The following XYLB variants were observed in gnomAD, a reference collection of about 807,000 sequenced individuals.
XYLB encodes the protein xylulokinase.
Under a neutral mutation model 78.7 loss-of-function variants are expected in XYLB, and 62 were observed. The observed-to-expected ratio is 0.79, with a 90% confidence interval of 0.64 to 0.97. The LOEUF (loss-of-function observed/expected upper bound fraction) is 0.97. Among genes scored for constraint, XYLB ranks in the 50% least tolerant of loss-of-function variants. The probability of loss-of-function intolerance (pLI) is 0.00; values close to 1 mark genes in which losing one functional copy is unlikely to be tolerated. For missense variants in XYLB, 687 were observed against 676.8 expected (o/e 1.02, Z -0.17); for synonymous variants, 245 against 247.4 (o/e 0.99, Z 0.09).
chr3:38,447,951 T>C, the XYLB span, among the ~76,000 whole-genome samples: 1 of 152,124 alleles, frequency 6.6e-6, no homozygotes, highest in Non-Finnish European at 1.5e-5. Flanking sequence ...GCATGGTGGC[T>C]CATGACTGTA....
intron 15 of XYLB, among the ~76,000 whole-genome samples, chr3:38,385,147 C>A (rs7639629): frequency 1.3e-5 from 2 of 151,956 alleles, no homozygotes; most frequent in African/African-American, 4.8e-5. Flanking sequence ...ATTACAGGTG[C>A]GCGCCATACC....
chr3:38,428,036 C>T, the XYLB span, among the ~76,000 whole-genome samples: 2 of 152,108 alleles, frequency 1.3e-5, no homozygotes, highest in African/African-American at 4.8e-5. Flanking sequence ...GTTCTGTTTC[C>T]ATTGTCATTC....
intron 14 of XYLB, 50 bp from the exon 15 acceptor site, chr3:38,379,196 A>G (rs1707019987): frequency 6.3e-7 from 1 of 1,575,832 alleles, no homozygotes; most frequent in Admixed American, 1.7e-5. Context: ...TACACACACG[A>G]ATGGACAATG....
the XYLB span, among the ~76,000 whole-genome samples, chr3:38,426,639 AC>A: frequency 2.6e-4 from 39 of 152,348 alleles, no homozygotes; most frequent in East Asian, 7.1e-3. Flanking sequence ...AAATTGAAAT[AC>A]AAATGAAATT....
At position 38,391,735 on chromosome 3, in the gene XYLB, G is replaced by A. The variant is rs567893697; in HGVS notation, c.1292-3770G>A. Among the ~76,000 whole-genome samples, 5 of 152,272 alleles carry A rather than the reference G, an allele frequency of 3.3e-5. No homozygotes were observed. The East Asian group carries it at 9.7e-4, about 29-fold the overall frequency. ...CTTGTGTATTAATGCCACTATAAAA[G>A]TGCTTTCAGGAGTGAGTTCACCATT... On this transcript the variant is annotated intron_variant, in intron 15 of 18. Transcript: ENST00000207870.
chr3:38,374,451 C>A lies in XYLB; in HGVS notation c.848-11C>A. 6.2e-7 allele frequency: 1 copy of A among 1,614,074 alleles called. No individual in the cohort carries two copies. Among genetic ancestry groups the A allele is most frequent in the East Asian group, 2.2e-5 (1 of 44,834 alleles). ...CCGCCAGCTAACCAGAAGCTCCCCT[C>A]CCATTCTCAGCGTCGCTGGCAGGCA... is the stretch of plus-strand genomic sequence containing the variant. On this transcript the variant is annotated splice_polypyrimidine_tract_variant and intron_variant, in intron 10 of 18. Coordinates refer to ENST00000207870, the MANE Select transcript of XYLB (RefSeq NM_005108.4).
At chr3:38,417,192 T>C (rs1292800484), downstream of XYLB, among the ~76,000 whole-genome samples, 2 of 152,150 alleles carry the variant, frequency 1.3e-5, no homozygotes, top group East Asian at 3.8e-4. Context: ...TCCCAGCACT[T>C]TGGGAGGCTG....
intron 15 of XYLB, 141 bp from the exon 16 acceptor site, chr3:38,395,364 A>G: frequency 1.4e-6 from 1 of 739,422 alleles, no homozygotes. Context: ...CCAGCTTTGG[A>G]TCTCTCCCGT....
the XYLB span, among the ~76,000 whole-genome samples, chr3:38,437,641 A>G: frequency 6.6e-6 from 1 of 152,352 alleles, no homozygotes; most frequent in East Asian, 1.9e-4. Flanking sequence ...TAGCTGAGAA[A>G]TAAATCAAGA....
chr3:38,413,090 C>A lies in XYLB; in HGVS notation c.*77C>A. On this transcript the variant is annotated 3_prime_UTR_variant, in exon 19 of 19. Transcript: ENST00000207870. ...GACATGGCCCCAGACAGGAGGGATCCACTTCTCTGTTCTGAACAGCTCTTC... is the reference window on the plus strand; with the variant it reads ...GACATGGCCCCAGACAGGAGGGATCAACTTCTCTGTTCTGAACAGCTCTTC... 1 of 1,416,096 alleles carries A rather than the reference C, an allele frequency of 7.1e-7. No homozygotes were observed. The highest frequency in any genetic ancestry group is 9.6e-7 in the Non-Finnish European group (1 of 1,044,048). The allele number at this position is 1,416,096 out of a possible 1,614,324, so 87.7% of individuals were successfully genotyped here. A position where few individuals can be genotyped will look rare whatever the true frequency, so the allele number is the denominator to read the frequency against.
At chr3:38,364,096 C>T (rs1706118952) in intron 4 of XYLB, among the ~76,000 whole-genome samples, 1 of 152,038 alleles carries the variant, frequency 6.6e-6, no homozygotes, top group Admixed American at 6.6e-5. Context: ...CCCACAGATG[C>T]CTCAGACTTA....
At chr3:38,445,723 C>A in the XYLB span, among the ~76,000 whole-genome samples, 1 of 152,176 alleles carries the variant, frequency 6.6e-6, no homozygotes, top group East Asian at 1.9e-4. Context: ...GCTCCCAACT[C>A]CGAAGAGTCA....
At chr3:38,365,169 A>G (rs1157123879) in intron 4 of XYLB, 30 bp from the exon 5 acceptor site, 1 of 1,610,228 alleles carries the variant, frequency 6.2e-7, no homozygotes, top group Non-Finnish European at 8.5e-7. Flanking sequence ...GTGTGTGGTC[A>G]TGTGACCATG....
chr3:38,438,467 A>G, the XYLB span, among the ~76,000 whole-genome samples: 1 of 152,216 alleles, frequency 6.6e-6, no homozygotes, highest in Non-Finnish European at 1.5e-5. Flanking sequence ...ATATCTATCA[A>G]AATACTAACA....
At chr3:38,426,744 CAGAA>C in the XYLB span, among the ~76,000 whole-genome samples, 1 of 152,184 alleles carries the variant, frequency 6.6e-6, no homozygotes, top group African/African-American at 2.4e-5. Context: ...TTTGCAAAAA[CAGAA>C]AGGTGGGACA....
At chr3:38,361,283 C>T (rs1705955838) in intron 3 of XYLB, among the ~76,000 whole-genome samples, 1 of 152,186 alleles carries the variant, frequency 6.6e-6, no homozygotes, top group Admixed American at 6.5e-5. Flanking sequence ...GTGGTAGCTC[C>T]AGGGGCTACC....
intron 16 of XYLB, 57 bp from the exon 17 acceptor site, chr3:38,397,015 G>T: frequency 6.4e-7 from 1 of 1,564,138 alleles, no homozygotes; most frequent in Non-Finnish European, 8.8e-7. Flanking sequence ...ATCCCACAAT[G>T]TCTGTGTTCC....
chr3:38,360,327 T>C lies in XYLB; in HGVS notation c.141-12T>C, dbSNP rs748355987. On this transcript the variant is annotated splice_polypyrimidine_tract_variant and intron_variant, in intron 2 of 18. Transcript: ENST00000207870. ...CTGAGGCTCTGGTCTACATTCTCTG[T>C]TGTTCTTGCAGGACTCAGGGTGGTG... 10 of 1,613,672 alleles carry C rather than the reference T, an allele frequency of 6.2e-6. No individual in the cohort carries two copies. Among genetic ancestry groups the C allele is most frequent in the Non-Finnish European group, 5.9e-6 (7 of 1,179,604 alleles).
chr3:38,422,023 ATAT>A (rs757325786), downstream of XYLB, among the ~76,000 whole-genome samples: 3 of 152,216 alleles, frequency 2.0e-5, no homozygotes, highest in Non-Finnish European at 4.4e-5. Context: ...CAACAGGGAA[ATAT>A]TATGGCTACA....
Sources: gnomAD v4.1 joint callset for allele counts (sites outside exome capture counted in the v4.1 genomes callset) on GRCh38, gnomAD v4.1.1 for gene constraint, MANE v1.5 for transcripts, NCBI Gene and HGNC (gene_info 2026-07-23, HGNC 2026-07-21) for gene names.